The following KRT80 variants were observed in gnomAD, a reference collection of about 807,000 sequenced individuals.
KRT80 encodes keratin, type II cytoskeletal 80.
A neutral mutation model predicts 51.5 loss-of-function variants in KRT80; 36 were observed. That is an observed-to-expected ratio of 0.70 (90% CI 0.54 to 0.92). The LOEUF is 0.92. Among genes scored for constraint, KRT80 ranks in the 40% least tolerant of loss-of-function variants. The pLI is 0.00. For missense variants in KRT80, 566 were observed against 591.7 expected (o/e 0.96, Z 0.45); for synonymous variants, 235 against 248.3 (o/e 0.95, Z 0.50).
Position 52,191,973 on chromosome 12 carries a change from G to GGCTGTGGTT in KRT80, c.-72_-71insAACCACAGC. On this transcript the variant is annotated 5_prime_UTR_variant, in exon 1 of 9. Transcript: ENST00000394815. ...GAGCCTGGGGTTGCGTCGGGTGGCA[G>GGCTGTGGTT]GCTCTGGTTGCTCTGGTCACAGCTG... is the stretch of plus-strand genomic sequence containing the variant. 1 of 1,349,314 alleles carries GGCTGTGGTT rather than the reference G, an allele frequency of 7.4e-7. No homozygotes were observed. Among genetic ancestry groups the GGCTGTGGTT allele is most frequent in the Non-Finnish European group, 9.8e-7 (1 of 1,022,692 alleles). The allele number at this position is 1,349,314 out of a possible 1,614,324, so 83.6% of individuals were successfully genotyped here. A position where few individuals can be genotyped will look rare whatever the true frequency, so the allele number is the denominator to read the frequency against.
Position 52,171,127 on chromosome 12 carries a change from G to A in KRT80, c.*271C>T, listed in dbSNP as rs995722019. 15 of 300,662 alleles carry A rather than the reference G, an allele frequency of 5.0e-5. No individual in the cohort carries two copies. Among genetic ancestry groups the A allele is most frequent in the Non-Finnish European group, 8.6e-5 (14 of 163,024 alleles). The allele number at this position is 300,662 out of a possible 1,614,324, so 18.6% of individuals were successfully genotyped here. On this transcript the variant is annotated 3_prime_UTR_variant, in exon 9 of 9. Coordinates refer to ENST00000394815, the MANE Select transcript of KRT80 (RefSeq NM_182507.3). ...GGAGACAAAACTGACCCCTAATTCC[G>A]ACTCACCCATCAGGAAAACCTCTGG... is the stretch of plus-strand genomic sequence containing the variant.
chr12:52,184,046 G>C (rs1941364684), intron 2 of KRT80, among the ~76,000 whole-genome samples: 1 of 152,146 alleles, frequency 6.6e-6, no homozygotes, highest in African/African-American at 2.4e-5. Flanking sequence ...GTTTCCCTAG[G>C]CCTGGGAGGG....
intron 5 of KRT80, 50 bp from the exon 6 acceptor site, chr12:52,173,213 G>T: frequency 6.6e-7 from 1 of 1,520,208 alleles, no homozygotes; most frequent in Non-Finnish European, 8.9e-7. Flanking sequence ...GCCGCTCCCA[G>T]CACTTGTTAC....
At chr12:52,181,330 C>G (rs560460713) in intron 2 of KRT80, among the ~76,000 whole-genome samples, 16 of 152,306 alleles carry the variant, frequency 1.1e-4, no homozygotes, top group African/African-American at 3.4e-4. Context: ...CTGGCAATCT[C>G]AGGTTCACTC....
At chr12:52,187,826 C>T (rs1235291315) in intron 1 of KRT80, among the ~76,000 whole-genome samples, 2 of 152,104 alleles carry the variant, frequency 1.3e-5, no homozygotes, top group Admixed American at 6.5e-5. Context: ...AGCAGGAGCC[C>T]CATGTTTACA....
intron 6 of KRT80, 121 bp downstream of exon 6, chr12:52,172,917 A>C: frequency 5.9e-6 from 7 of 1,191,592 alleles, no homozygotes; most frequent in Non-Finnish European, 8.1e-6. Flanking sequence ...AAACTGAGGC[A>C]CAGAGGCGCT....
At chr12:52,172,930 G>A (rs911524949) in intron 6 of KRT80, 108 bp downstream of exon 6, 4 of 1,348,410 alleles carry the variant, frequency 3.0e-6, no homozygotes, top group Non-Finnish European at 4.0e-6. Context: ...GAGGCGCTAA[G>A]CGACCCACAC....
chr12:52,186,603 G>A (rs1941410315), intron 1 of KRT80, among the ~76,000 whole-genome samples: 2 of 152,232 alleles, frequency 1.3e-5, no homozygotes, highest in Non-Finnish European at 2.9e-5. Flanking sequence ...CTGGAATCCA[G>A]GAACTTTGGG....
At position 52,191,665 on chromosome 12, in the gene KRT80, T is replaced by G; in HGVS notation, c.238A>C (p.Lys80Gln). 1.2e-6 allele frequency: 2 copies of G among 1,612,030 alleles called. No homozygotes were observed. Among genetic ancestry groups the G allele is most frequent in the Non-Finnish European group, 1.7e-6 (2 of 1,178,504 alleles). ...TTCATCTCCTCCTTCTCCTGGTTCTTCAGCTGCTGAACAGCGGGGTCCAAC... is the reference window on the plus strand; with the variant it reads ...TTCATCTCCTCCTTCTCCTGGTTCTGCAGCTGCTGAACAGCGGGGTCCAAC... ...VKLDPAVQQL[K>Q]NQEKEEMKAL... Residue 80 changes from lysine (K) to glutamine (Q), a missense_variant, in exon 1 of 9, where the codon AAG becomes CAG. Lys to Gln is a moderately conservative substitution (Grantham distance 53, BLOSUM62 1). Coordinates refer to ENST00000394815, the MANE Select transcript of KRT80 (RefSeq NM_182507.3).
intron 1 of KRT80, among the ~76,000 whole-genome samples, chr12:52,188,353 G>A (rs1289464723): frequency 6.6e-6 from 1 of 152,216 alleles, no homozygotes; most frequent in East Asian, 1.9e-4. Flanking sequence ...GAAAAGTAGG[G>A]CCAGGTTGGG....
rs118112204 is a variant in KRT80 at position 52,177,294 on chromosome 12, G to A, written c.666+3219C>T. Among the ~76,000 whole-genome samples, 395 of 152,292 alleles carry A rather than the reference G, an allele frequency of 2.6e-3. 2 individuals carry two copies. The highest frequency in any genetic ancestry group is 3.6e-3 in the Non-Finnish European group (246 of 68,026). ...TTCAGGGGCAGAGCAGCCTATTCTC[G>A]GGGCAGCCTCCATGCAAAAGTTTAG... On this transcript the variant is annotated intron_variant, in intron 4 of 8. Transcript: ENST00000394815.
chr12:52,184,761 C>T (rs115655100), intron 2 of KRT80, among the ~76,000 whole-genome samples: 2,731 of 152,304 alleles, frequency 0.018, 88 homozygotes, highest in African/African-American at 0.062. Context: ...AACTGTTTGT[C>T]TGTCTGTCTG....
At chr12:52,173,539 C>T (rs1941158012) in intron 5 of KRT80, 61 bp downstream of exon 5, 2 of 1,562,902 alleles carry the variant, frequency 1.3e-6, no homozygotes, top group Non-Finnish European at 1.7e-6. Context: ...CCAGTCCAGC[C>T]CTTCCTGCCA....
chr12:52,186,286 G>T (rs1574409), intron 1 of KRT80, among the ~76,000 whole-genome samples: 120,560 of 151,896 alleles, frequency 0.79, 48,534 homozygotes, highest in Middle Eastern at 0.84. Flanking sequence ...CTGTGACTCA[G>T]GTTGAAAGAC....
intron 1 of KRT80, chr12:52,185,803 C>A: frequency 9.7e-7 from 1 of 1,036,102 alleles, no homozygotes; most frequent in Non-Finnish European, 1.4e-6. Flanking sequence ...CAAGGTGGAG[C>A]CAATTAGCAA....
rs1023147731 is a variant in KRT80 at position 52,192,002 on chromosome 12, C to G, written c.-100G>C. ...CTGGTTGCTCTGGTCACAGCTGGGGCGGGCTGGGGACTGAGGAGCAGACAC... is the reference window on the plus strand; with the variant it reads ...CTGGTTGCTCTGGTCACAGCTGGGGGGGGCTGGGGACTGAGGAGCAGACAC... On this transcript the variant is annotated 5_prime_UTR_variant, in exon 1 of 9. Transcript: ENST00000394815. 3.5e-6 allele frequency: 4 copies of G among 1,144,710 alleles called. No individual in the cohort carries two copies. Among genetic ancestry groups the G allele is most frequent in the African/African-American group, 3.2e-5 (2 of 62,928 alleles). 70.9% of individuals were successfully genotyped at this position (1,144,710 alleles called of 1,614,324 possible). A position where few individuals can be genotyped will look rare whatever the true frequency, so the allele number is the denominator to read the frequency against.
At chr12:52,177,635 C>CTGTGTG (rs34730614) in intron 4 of KRT80, among the ~76,000 whole-genome samples, 14 of 148,112 alleles carry the variant, frequency 9.5e-5, no homozygotes, top group African/African-American at 2.2e-4. Context: ...TGTATCTTGG[C>CTGTGTG]TGTGTGTGTG....
chr12:52,179,533 G>T (rs1287845175), intron 4 of KRT80, among the ~76,000 whole-genome samples: 1 of 152,232 alleles, frequency 6.6e-6, no homozygotes, highest in Non-Finnish European at 1.5e-5. Flanking sequence ...GGAGGCCCCA[G>T]CTGGCAGCTG....
At chr12:52,172,115 G>T in intron 7 of KRT80, 83 bp downstream of exon 7, 2 of 1,472,172 alleles carry the variant, frequency 1.4e-6, no homozygotes, top group Non-Finnish European at 9.4e-7. Context: ...GTATCATATT[G>T]GAAAGGAGAA....
Sources: gnomAD v4.1 joint callset for allele counts (sites outside exome capture counted in the v4.1 genomes callset) on GRCh38, gnomAD v4.1.1 for gene constraint, MANE v1.5 for transcripts, NCBI Gene and HGNC (gene_info 2026-07-23, HGNC 2026-07-21) for gene names.